DENND2C: variants seen among roughly 807,000 people sequenced by gnomAD.
DENND2C encodes the protein DENN domain-containing protein 2C.
Under a neutral mutation model 112.4 loss-of-function variants are expected in DENND2C, and 72 were observed. The ratio of observed to expected loss-of-function variants is 0.64; its 90% confidence interval spans 0.53 to 0.78. The LOEUF (loss-of-function observed/expected upper bound fraction) is 0.78, where lower values mean the gene tolerates loss of function less well. Among genes scored for constraint, DENND2C ranks in the 30% least tolerant of loss-of-function variants. The pLI is 0.00. For missense variants in DENND2C, 992 were observed against 1,113.8 expected (o/e 0.89, Z 1.56); for synonymous variants, 329 against 381.6 (o/e 0.86, Z 1.61).
Position 114,625,825 on chromosome 1 carries a change from G to C in DENND2C, c.160C>G (p.Gln54Glu). 4 of 1,613,894 alleles carry C rather than the reference G, an allele frequency of 2.5e-6. No homozygotes were observed. Among genetic ancestry groups the C allele is most frequent in the South Asian group, 2.2e-5 (2 of 91,060 alleles). ...KDFGVRYNCH[Q>E]EIRLKKNPIA... ...GGATTTTTCTTAAGACGGATCTCTT[G>C]GTGACAGTTATATCTCACTCCAAAG... is the stretch of plus-strand genomic sequence containing the variant. Residue 54 changes from glutamine to glutamate, a missense_variant, in exon 4 of 21, where the codon CAA becomes GAA. Around this residue, in one of 3 missense-constraint regions of DENND2C, gnomAD observed 470 missense variants for 472.7 expected, o/e 0.99. Transcript: ENST00000393274.
intron 1 of DENND2C, among the ~76,000 whole-genome samples, chr1:114,664,146 C>T (rs1463640816): frequency 2.0e-5 from 3 of 152,046 alleles, no homozygotes; most frequent in Non-Finnish European, 4.4e-5. Context: ...CCTTATGTTG[C>T]TCAGGCTGGT....
chr1:114,668,289 C>T (rs1165592312), intron 1 of DENND2C, among the ~76,000 whole-genome samples: 2 of 152,134 alleles, frequency 1.3e-5, no homozygotes, highest in Admixed American at 1.3e-4. Flanking sequence ...TTAAGTAAAA[C>T]TTCTAAAGCA....
At chr1:114,623,417 C>T in intron 5 of DENND2C, 90 bp downstream of exon 5, 1 of 1,314,688 alleles carries the variant, frequency 7.6e-7, no homozygotes, top group Non-Finnish European at 1.1e-6. Context: ...GCAATATATG[C>T]TTGATTATAG....
chr1:114,618,650 A>T (rs997827746), intron 7 of DENND2C, among the ~76,000 whole-genome samples, 168 bp from the exon 8 acceptor site: 5 of 152,212 alleles, frequency 3.3e-5, no homozygotes, highest in African/African-American at 1.2e-4. Flanking sequence ...TAATTAGATG[A>T]TATGTTGTTC....
intron 3 of DENND2C, among the ~76,000 whole-genome samples, chr1:114,631,826 A>T (rs1656499248): frequency 6.6e-6 from 1 of 152,146 alleles, no homozygotes; most frequent in Non-Finnish European, 1.5e-5. Context: ...ACAAAATAAG[A>T]GAAATCGAAC....
At chr1:114,601,630 A>G (rs1243049884) in intron 12 of DENND2C, 45 bp from the exon 13 acceptor site, 1 of 1,519,736 alleles carries the variant, frequency 6.6e-7, no homozygotes, top group East Asian at 2.3e-5. Context: ...AGCCGCATAC[A>G]TTTTTATTAA....
intron 4 of DENND2C, 132 bp downstream of exon 4, chr1:114,625,047 C>G (rs901522519): frequency 1.3e-5 from 11 of 826,324 alleles, no homozygotes; most frequent in Non-Finnish European, 1.8e-5. Context: ...CCACATTAAT[C>G]AACACCTGCA....
chr1:114,587,432 G>C lies in DENND2C; in HGVS notation c.2710C>G (p.Pro904Ala). 1.2e-6 allele frequency: 2 copies of C among 1,614,124 alleles called. No homozygotes were observed. Among genetic ancestry groups the C allele is most frequent in the African/African-American group, 1.3e-5 (1 of 75,030 alleles). The stretch of plus-strand genomic sequence containing the variant: ...TTCATCCCACTGGGCTCCGACTCAG[G>C]AATTGTTTCCAAATACTGGATGGCC... ...IRAIQYLETI[P>A]ESEPSGMNRI... The change falls in exon 20 of 21, where the codon CCT becomes GCT. Residue 904 changes from proline to alanine, a missense_variant. This residue lies in a region of DENND2C where 516 missense variants were observed against 623.6 expected (regional missense o/e 0.83). Coordinates refer to ENST00000393274, the MANE Select transcript of DENND2C (RefSeq NM_001256404.2).
intron 3 of DENND2C, among the ~76,000 whole-genome samples, chr1:114,632,358 T>C (rs1656513715): frequency 6.6e-6 from 1 of 151,766 alleles, no homozygotes; most frequent in Admixed American, 6.6e-5. Context: ...AGGAAAACCA[T>C]AACCAAGTTG....
chr1:114,638,855 A>G (rs1463471925), intron 3 of DENND2C, among the ~76,000 whole-genome samples: 1 of 152,018 alleles, frequency 6.6e-6, no homozygotes, highest in Non-Finnish European at 1.5e-5. Context: ...AGACTTGAAT[A>G]TCACTATCAA....
At chr1:114,636,752 T>G (rs1378407538) in intron 3 of DENND2C, among the ~76,000 whole-genome samples, 2 of 131,656 alleles carry the variant, frequency 1.5e-5, no homozygotes, top group African/African-American at 2.6e-5. Context: ...GTAAAGCTGT[T>G]TTTTTTTTCC....
At chr1:114,632,138 G>T (rs1245985222) in intron 3 of DENND2C, among the ~76,000 whole-genome samples, 1 of 152,168 alleles carries the variant, frequency 6.6e-6, no homozygotes, top group Non-Finnish European at 1.5e-5. Flanking sequence ...CTAAAACAAA[G>T]ATGAAAAACA....
intron 2 of DENND2C, among the ~76,000 whole-genome samples, chr1:114,647,261 T>C (rs974508971): frequency 2.0e-5 from 3 of 152,174 alleles, no homozygotes; most frequent in Non-Finnish European, 4.4e-5. Flanking sequence ...AAACAACCCT[T>C]TCCTTTGTTT....
chr1:114,618,777 T>C (rs1329220089), intron 7 of DENND2C, among the ~76,000 whole-genome samples: 3 of 152,234 alleles, frequency 2.0e-5, no homozygotes, highest in South Asian at 2.1e-4. Flanking sequence ...AATGTGGCTA[T>C]TGCCCTTTGT....
At position 114,655,883 on chromosome 1, in the gene DENND2C, A is replaced by ATATATATATATATATAT. The variant is rs1557960847; in HGVS notation, c.-573-1123_-573-1122insATATATATATATATATA. Among the ~76,000 whole-genome samples, 525 of 125,816 alleles carry ATATATATATATATATAT rather than the reference A, an allele frequency of 4.2e-3. 14 individuals are homozygous for ATATATATATATATATAT. Among genetic ancestry groups the ATATATATATATATATAT allele is most frequent in the South Asian group, 0.021 (85 of 4,010 alleles). 82.5% of individuals were successfully genotyped at this position (125,816 alleles called of 152,430 possible). A position where few individuals can be genotyped will look rare whatever the true frequency, so the allele number is the denominator to read the frequency against. ...AAGAACTTTTATATATATATGTATA[A>ATATATATATATATATAT]ATATATATATATATATAATATGTAT... is the stretch of plus-strand genomic sequence containing the variant. On this transcript the variant is annotated intron_variant, in intron 1 of 20. Coordinates refer to ENST00000393274, the MANE Select transcript of DENND2C (RefSeq NM_001256404.2).
At chr1:114,636,629 G>A (rs1489609314) in intron 3 of DENND2C, among the ~76,000 whole-genome samples, 4 of 152,168 alleles carry the variant, frequency 2.6e-5, no homozygotes, top group South Asian at 4.1e-4. Flanking sequence ...AGCAGATCTC[G>A]TCATTCCAGC....
rs770105080 is a variant in DENND2C at position 114,601,498 on chromosome 1, C to T, written c.1815+10G>A. 2 of 1,608,348 alleles carry T rather than the reference C, an allele frequency of 1.2e-6. No homozygotes were observed. The highest frequency in any genetic ancestry group is 2.2e-5 in the South Asian group (2 of 89,884). On this transcript the variant is annotated intron_variant, in intron 13 of 20. Coordinates refer to ENST00000393274, the MANE Select transcript of DENND2C (RefSeq NM_001256404.2). ...GACACCATTTTTCATACAGCTCATT[C>T]TCCACTCACCTTTGAAAAAAGATTG...
chr1:114,601,246 T>A (rs1655497245), intron 13 of DENND2C, among the ~76,000 whole-genome samples: 1 of 152,200 alleles, frequency 6.6e-6, no homozygotes, highest in Non-Finnish European at 1.5e-5. Flanking sequence ...GACAATGATA[T>A]CCTGCAATTT....
chr1:114,655,514 C>G (rs1011488355), intron 1 of DENND2C, among the ~76,000 whole-genome samples: 3 of 152,076 alleles, frequency 2.0e-5, no homozygotes, highest in Admixed American at 2.0e-4. Flanking sequence ...GATGGAGTCT[C>G]GCTCTGTTGC....
Sources: gnomAD v4.1 joint callset for allele counts (sites outside exome capture counted in the v4.1 genomes callset) on GRCh38, gnomAD v4.1.1 for gene constraint, gnomAD v4.1.1 regional missense constraint, MANE v1.5 for transcripts, NCBI Gene and HGNC (gene_info 2026-07-23, HGNC 2026-07-21) for gene names.